Variants in ADGRL3 observed in about 807,000 individuals in gnomAD.
ADGRL3 encodes the protein calcium-independent alpha-latrotoxin receptor 3.
ADGRL3 carries 62 observed loss-of-function variants against 153.5 expected under a neutral mutation model. That is an observed-to-expected ratio of 0.40 (90% confidence interval 0.33 to 0.50). ADGRL3 has a LOEUF of 0.50. Among genes scored for constraint, ADGRL3 ranks in the 20% least tolerant of loss-of-function variants. The pLI, the probability that ADGRL3 is intolerant of heterozygous loss-of-function variation, is 0.47. For missense variants in ADGRL3, 1,641 were observed against 1,859.4 expected (o/e 0.88, Z 2.16); for synonymous variants, 710 against 672.5 (o/e 1.06, Z -0.86).
At chr4:61,699,068 T>G (rs2095699021) in intron 6 of ADGRL3, among the ~76,000 whole-genome samples, 1 of 152,120 alleles carries the variant, frequency 6.6e-6, no homozygotes, top group Non-Finnish European at 1.5e-5. Context: ...TCTAAAGAAG[T>G]CTTGAGCACT....
At chr4:61,352,398 T>C (rs563654521) in intron 1 of ADGRL3, among the ~76,000 whole-genome samples, 1 of 152,222 alleles carries the variant, frequency 6.6e-6, no homozygotes, top group South Asian at 2.1e-4. Flanking sequence ...CATAACCTTT[T>C]TTTTTTTTGA....
rs1253633603 is a variant in ADGRL3, at chr4:61,450,515, G to A, written c.-173-46606G>A. Among the ~76,000 whole-genome samples the A allele has an allele frequency of 2.0e-5, 3 of 152,064 alleles. No homozygotes were observed. The East Asian group carries it at 5.8e-4, about 29-fold the overall frequency. On this transcript the variant is annotated intron_variant, in intron 2 of 26. Coordinates refer to ENST00000683033, the MANE Select transcript of ADGRL3 (RefSeq NM_001387552.1). ...CTTTGCCTGTTAAGTGGCATATTGA[G>A]TTCTTTTACACTTAATATAAATATT...
intron 1 of ADGRL3, among the ~76,000 whole-genome samples, chr4:61,287,930 G>A (rs1027692995): frequency 9.9e-5 from 15 of 151,842 alleles, no homozygotes; most frequent in African/African-American, 3.4e-4. Flanking sequence ...TGGGTTGAGC[G>A]GGCCTTAGCT....
At chr4:61,764,979 G>GGAATAACA (rs1407383604) in intron 8 of ADGRL3, among the ~76,000 whole-genome samples, 5 of 151,918 alleles carry the variant, frequency 3.3e-5, no homozygotes, top group African/African-American at 1.2e-4. Context: ...GAAACTAAAT[G>GGAATAACA]GAATAACAGA....
At chr4:61,478,919 G>A (rs890628597) in intron 2 of ADGRL3, among the ~76,000 whole-genome samples, 5 of 151,944 alleles carry the variant, frequency 3.3e-5, no homozygotes, top group Admixed American at 6.6e-5. Flanking sequence ...AACCTATAGA[G>A]ATATACCCTA....
intron 2 of ADGRL3, chr4:61,420,437 C>T (rs1208904266): frequency 9.1e-6 from 1 of 110,414 alleles, no homozygotes; most frequent in African/African-American, 3.5e-5. Flanking sequence ...GGCGGAGTCT[C>T]ACTCCGTAGC....
intron 5 of ADGRL3, among the ~76,000 whole-genome samples, chr4:61,639,267 C>G (rs1164566567): frequency 6.6e-6 from 1 of 152,006 alleles, no homozygotes; most frequent in Non-Finnish European, 1.5e-5. Flanking sequence ...ATTAAAAGAT[C>G]TAAAGTTTTT....
intron 25 of ADGRL3, among the ~76,000 whole-genome samples, chr4:62,067,608 A>G (rs564042849): frequency 2.6e-5 from 4 of 152,188 alleles, no homozygotes; most frequent in Middle Eastern, 3.4e-3. Flanking sequence ...TCATATATGT[A>G]TAATAGAGAA....
At chr4:61,677,941 AC>A (rs2095247199) in intron 6 of ADGRL3, among the ~76,000 whole-genome samples, 1 of 152,038 alleles carries the variant, frequency 6.6e-6, no homozygotes, top group Non-Finnish European at 1.5e-5. Flanking sequence ...AATAGTGAAA[AC>A]AATTCAGAGA....
At chr4:61,976,930 G>A (rs2150760081) in intron 17 of ADGRL3, among the ~76,000 whole-genome samples, 1 of 152,256 alleles carries the variant, frequency 6.6e-6, no homozygotes, top group African/African-American at 2.4e-5. Context: ...TATTTGATGA[G>A]TGCTGCCCTC....
chr4:61,690,058 A>G (rs2095511351), intron 6 of ADGRL3, among the ~76,000 whole-genome samples: 1 of 152,128 alleles, frequency 6.6e-6, no homozygotes, highest in African/African-American at 2.4e-5. Flanking sequence ...TATGCATTCA[A>G]ATTTATTTGG....
chr4:61,602,630 C>T (rs778438946), intron 5 of ADGRL3, among the ~76,000 whole-genome samples: 1 of 152,108 alleles, frequency 6.6e-6, no homozygotes, highest in Non-Finnish European at 1.5e-5. Context: ...ATGTGAAGCA[C>T]ATATTAAAAA....
In ADGRL3 at chr4:62,071,034, A is replaced by C; in HGVS notation, c.*126A>C. On this transcript the variant is annotated 3_prime_UTR_variant, in exon 27 of 27. Transcript: ENST00000683033. Reference sequence around the variant, plus strand: ...TATGCTGTCCTCTAAAGACAAACACAAACTCTCAGACTTTTTTTTTTTTAA... The same window carrying C: ...TATGCTGTCCTCTAAAGACAAACACCAACTCTCAGACTTTTTTTTTTTTAA... 1 of 854,914 alleles carries C rather than the reference A, an allele frequency of 1.2e-6. No individual in the cohort carries two copies. Among genetic ancestry groups the C allele is most frequent in the Non-Finnish European group, 1.7e-6 (1 of 573,816 alleles). 53.0% of individuals were successfully genotyped at this position (854,914 alleles called of 1,614,324 possible).
chr4:61,325,052 G>C (rs1356844213), intron 1 of ADGRL3, among the ~76,000 whole-genome samples: 1 of 152,124 alleles, frequency 6.6e-6, no homozygotes, highest in East Asian at 1.9e-4. Flanking sequence ...AGTGGCTCAT[G>C]CCTATAATCC....
intron 2 of ADGRL3, among the ~76,000 whole-genome samples, chr4:61,432,602 CTTTCTTTCTT>C (rs2097374210): frequency 1.8e-5 from 1 of 55,782 alleles, no homozygotes; most frequent in Admixed American, 1.9e-4. Flanking sequence ...TTCTTTCTTT[CTTTCTTTCTT>C]TCTTTCTTTC....
chr4:62,035,692 ATAATAT>A (rs1391348445), intron 23 of ADGRL3, among the ~76,000 whole-genome samples: 1 of 152,142 alleles, frequency 6.6e-6, no homozygotes, highest in Non-Finnish European at 1.5e-5. Context: ...TACTTTAATG[ATAATAT>A]TAGTAATATA....
At position 61,895,733 on chromosome 4, in the gene ADGRL3, G is replaced by C; in HGVS notation, c.1786G>C (p.Val596Leu). The C allele has an allele frequency of 6.4e-7, 1 of 1,555,706 alleles. No homozygotes were observed. Among genetic ancestry groups the C allele is most frequent in the South Asian group, 1.2e-5 (1 of 86,314 alleles). The part of the protein sequence containing the change: ...KQPCPAGTIG[V>L]STYLCLAPDG... ...ATACATTTCTCTCATTATTACAGGT[G>C]TATCAACTTATCTATGCCTTGCTCC... The change falls in exon 11 of 27, where the codon GTA (valine) becomes CTA (leucine). Residue 596 changes from valine to leucine, a missense_variant and splice_region_variant. Coordinates refer to ENST00000683033, the MANE Select transcript of ADGRL3 (RefSeq NM_001387552.1).
Position 62,007,383 on chromosome 4 carries a change from T to TACAC in ADGRL3, c.3395+9128_3395+9131dup, listed in dbSNP as rs71269038. On this transcript the variant is annotated intron_variant, in intron 21 of 26. Coordinates refer to ENST00000683033, the MANE Select transcript of ADGRL3 (RefSeq NM_001387552.1). ...ATATATATATATATATATATATATA[T>TACAC]ACACACACACACATATATATATACA... Among the ~76,000 whole-genome samples the TACAC allele has an allele frequency of 8.6e-3, 265 of 30,726 alleles. 11 individuals are homozygous for TACAC. Among genetic ancestry groups the TACAC allele is most frequent in the African/African-American group, 0.021 (167 of 7,984 alleles). 20.2% of individuals were successfully genotyped at this position (30,726 alleles called of 152,430 possible). A position where few individuals can be genotyped will look rare whatever the true frequency, so the allele number is the denominator to read the frequency against.
intron 2 of ADGRL3, among the ~76,000 whole-genome samples, chr4:61,425,088 C>T (rs976764142): frequency 1.3e-5 from 2 of 152,118 alleles, no homozygotes; most frequent in African/African-American, 4.8e-5. Flanking sequence ...CCACCTATTC[C>T]ACTACACCCT....
Sources: allele counts gnomAD v4.1 joint callset (sites outside exome capture counted in the v4.1 genomes callset), GRCh38; gene constraint gnomAD v4.1.1; transcripts MANE v1.5; gene names NCBI Gene and HGNC (gene_info 2026-07-23, HGNC 2026-07-21).